Variants in AAK1 observed in about 807,000 individuals in gnomAD.
AAK1 encodes the protein AP2-associated protein kinase 1.
A neutral mutation model predicts 116.0 loss-of-function variants in AAK1; 37 were observed. That is an observed-to-expected ratio of 0.32 (90% CI 0.25 to 0.42). The LOEUF (loss-of-function observed/expected upper bound fraction) is 0.42, where lower values mean the gene tolerates loss of function less well. Among genes scored for constraint, AAK1 ranks in the 10% least tolerant of loss-of-function variants. The pLI is 1.00. For missense variants in AAK1, 919 were observed against 1,170.6 expected, an observed-to-expected ratio of 0.79 and a Z score of 3.14; for synonymous variants, 458 against 439.9, an observed-to-expected ratio of 1.04 and a Z score of -0.51.
chr2:69,586,561 A>G (rs921397885), intron 2 of AAK1, among the ~76,000 whole-genome samples: 1 of 152,222 alleles, frequency 6.6e-6, no homozygotes, highest in African/African-American at 2.4e-5. Context: ...AAAGACAAGG[A>G]AAGTATTTTT....
chr2:69,588,962 C>T (rs1672904814), intron 2 of AAK1, among the ~76,000 whole-genome samples: 1 of 152,152 alleles, frequency 6.6e-6, no homozygotes, highest in Admixed American at 6.5e-5. Flanking sequence ...TTTTTAGATG[C>T]CTTTTAGAAA....
intron 11 of AAK1, 100 bp downstream of exon 11, chr2:69,520,734 C>G: frequency 1.5e-6 from 2 of 1,352,712 alleles, no homozygotes; most frequent in South Asian, 1.5e-5. Context: ...CTGTGTGCCT[C>G]TGGAGTCCAA....
intron 2 of AAK1, among the ~76,000 whole-genome samples, chr2:69,564,499 T>C (rs905881728): frequency 1.3e-5 from 2 of 152,162 alleles, no homozygotes; most frequent in African/African-American, 4.8e-5. Context: ...TATAAGTATT[T>C]TATAAAGACA....
chr2:69,609,650 T>C (rs1673976510), intron 2 of AAK1, among the ~76,000 whole-genome samples: 1 of 151,914 alleles, frequency 6.6e-6, no homozygotes, highest in Non-Finnish European at 1.5e-5. Flanking sequence ...GGTGACACAG[T>C]GAGACTCCAT....
intron 12 of AAK1, among the ~76,000 whole-genome samples, chr2:69,517,560 G>T (rs1422048262): frequency 1.5e-5 from 2 of 131,480 alleles, no homozygotes; most frequent in African/African-American, 5.0e-5. Context: ...ATAGAGGCCA[G>T]AGAGACATTA....
At chr2:69,503,358 A>G (rs1676050305) in intron 16 of AAK1, among the ~76,000 whole-genome samples, 1 of 152,256 alleles carries the variant, frequency 6.6e-6, no homozygotes, top group South Asian at 2.1e-4. Flanking sequence ...TTTTAGAAGC[A>G]TGCCAAATTC....
intron 15 of AAK1, among the ~76,000 whole-genome samples, chr2:69,507,082 A>C (rs1011069499): frequency 3.3e-5 from 5 of 152,222 alleles, no homozygotes; most frequent in Non-Finnish European, 4.4e-5. Flanking sequence ...ACCTAGGATG[A>C]GAGAACCATC....
At chr2:69,553,434 GTTGTT>G (rs1671258430) in intron 3 of AAK1, among the ~76,000 whole-genome samples, 1 of 117,874 alleles carries the variant, frequency 8.5e-6, no homozygotes, top group South Asian at 2.7e-4. Flanking sequence ...AGAATTGAAA[GTTGTT>G]TTTTTTTTTT....
chr2:69,538,178 T>G (rs1670556646), intron 5 of AAK1, among the ~76,000 whole-genome samples: 1 of 152,236 alleles, frequency 6.6e-6, no homozygotes, highest in African/African-American at 2.4e-5. Context: ...CCAACTACTG[T>G]GTGTCCAGCA....
chr2:69,552,398 CT>C (rs1260660569), intron 3 of AAK1, among the ~76,000 whole-genome samples: 2 of 152,078 alleles, frequency 1.3e-5, no homozygotes, highest in African/African-American at 4.8e-5. Context: ...GAACCGCAAC[CT>C]AAGACTCATT....
At chr2:69,555,225 C>A (rs1469658503) in intron 3 of AAK1, among the ~76,000 whole-genome samples, 1 of 152,210 alleles carries the variant, frequency 6.6e-6, no homozygotes, top group Non-Finnish European at 1.5e-5. Context: ...GAATCTGGAG[C>A]TATGTGCAGG....
chr2:69,587,635 T>A (rs1468014195), intron 2 of AAK1, among the ~76,000 whole-genome samples: 2 of 151,702 alleles, frequency 1.3e-5, no homozygotes, highest in South Asian at 4.2e-4. Flanking sequence ...CCAGCTAATT[T>A]TTGTATTTTT....
At chr2:69,511,811 G>C (rs1479425150) in intron 13 of AAK1, among the ~76,000 whole-genome samples, 2 of 152,134 alleles carry the variant, frequency 1.3e-5, no homozygotes, top group Non-Finnish European at 1.5e-5. Flanking sequence ...TTTCTCTTCT[G>C]TTCTCCAGAT....
rs542130383 is a variant in AAK1, at chr2:69,628,604, C to T, written c.163+14274G>A. ...ATGGTAGACTTGAACAACACTCTGT[C>T]ATACCACCTTAAAAATCACCACATA... On this transcript the variant is annotated intron_variant, in intron 2 of 21. Transcript: ENST00000409085. Among the ~76,000 whole-genome samples the T allele has an allele frequency of 6.6e-5, 10 of 152,324 alleles. No homozygotes were observed. In the South Asian group the frequency reaches 2.1e-3, roughly 32 times the overall value.
At chr2:69,486,116 G>A (rs533379114) in intron 17 of AAK1, among the ~76,000 whole-genome samples, 178 of 152,020 alleles carry the variant, frequency 1.2e-3, no homozygotes, top group African/African-American at 4.1e-3. Context: ...CACCATGCTC[G>A]GCTAATATTT....
At chr2:69,531,200 A>T (rs1181624192) in intron 6 of AAK1, among the ~76,000 whole-genome samples, 4 of 152,170 alleles carry the variant, frequency 2.6e-5, no homozygotes, top group Non-Finnish European at 5.9e-5. Flanking sequence ...CTGAAATAAC[A>T]GTTTTATCTC....
rs1674731326 is a variant in AAK1 at position 69,472,995 on chromosome 2, T to G, written c.*2874A>C. On this transcript the variant is annotated 3_prime_UTR_variant, in exon 22 of 22. Coordinates refer to ENST00000409085, the MANE Select transcript of AAK1 (RefSeq NM_014911.5). Reference sequence around the variant, plus strand: ...AATAGCAGGAACTACAGAAGATAACTGAAGAACATCAGGATTATATAAATC... The same window carrying G: ...AATAGCAGGAACTACAGAAGATAACGGAAGAACATCAGGATTATATAAATC... 1 of 983,282 alleles carries G rather than the reference T, an allele frequency of 1.0e-6. No individual in the cohort carries two copies. Among genetic ancestry groups the G allele is most frequent in the Non-Finnish European group, 1.2e-6 (1 of 827,646 alleles). 60.9% of individuals were successfully genotyped at this position (983,282 alleles called of 1,614,324 possible). A position where few individuals can be genotyped will look rare whatever the true frequency, so the allele number is the denominator to read the frequency against.
intron 2 of AAK1, among the ~76,000 whole-genome samples, chr2:69,624,026 G>A (rs148632252): frequency 6.6e-6 from 1 of 152,188 alleles, no homozygotes; most frequent in East Asian, 1.9e-4. Context: ...AACAGAGAGG[G>A]AGGGAAGGAA....
intron 17 of AAK1, among the ~76,000 whole-genome samples, chr2:69,486,068 C>T (rs1346209755): frequency 6.6e-6 from 1 of 152,030 alleles, no homozygotes; most frequent in East Asian, 1.9e-4. Context: ...GATCCTTCAG[C>T]CGCAGCCTTC....
Sources: gnomAD v4.1 joint callset for allele counts (sites outside exome capture counted in the v4.1 genomes callset) on GRCh38, gnomAD v4.1.1 for gene constraint, MANE v1.5 for transcripts, NCBI Gene and HGNC (gene_info 2026-07-23, HGNC 2026-07-21) for gene names.